MGAM2: variants seen among roughly 807,000 people sequenced by gnomAD.
MGAM2 encodes maltase-glucoamylase 2 (putative), also known as probable maltase-glucoamylase 2.
Under a neutral mutation model 96.1 loss-of-function variants are expected in MGAM2, and 98 were observed. That is an observed-to-expected ratio of 1.02 (90% CI 0.87 to 1.21). The LOEUF (loss-of-function observed/expected upper bound fraction) is 1.21. MGAM2 is among the 50% of genes most tolerant of loss of function. The pLI is 0.00. For synonymous variants in MGAM2, 749 were observed against 414.8 expected (o/e 1.81, Z -9.79); for missense variants, 2,055 against 1,182.4 (o/e 1.74, Z -10.82).
chr7:142,178,719 T>A (rs909023778), intron 32 of MGAM2, among the ~76,000 whole-genome samples: 1 of 152,170 alleles, frequency 6.6e-6, no homozygotes, highest in Admixed American at 6.5e-5. Flanking sequence ...GTAGTTTTGT[T>A]CTTCTTGCTT....
chr7:142,221,065 C>T lies in MGAM2; in HGVS notation c.6554C>T (p.Ser2185Phe). 1 of 702,532 alleles carries T rather than the reference C, an allele frequency of 1.4e-6. No individual in the cohort carries two copies. Among genetic ancestry groups the T allele is most frequent in the Non-Finnish European group, 2.6e-6 (1 of 384,762 alleles). 43.5% of individuals were successfully genotyped at this position (702,532 alleles called of 1,614,324 possible). ...NNTVPVTAIP[S>F]LANTGVDTTS... ...ACTGTTCCAGTTACAGCTATTCCTT[C>T]TCTTGCAAATACTGGTGTTGACACT... Residue 2185 changes from serine (S) to phenylalanine (F), a missense_variant, in exon 48 of 48, where the codon TCT (serine) becomes TTT (phenylalanine). Coordinates refer to ENST00000477922, the MANE Select transcript of MGAM2 (RefSeq NM_001293626.2).
In MGAM2 at chr7:142,222,162, A is replaced by C; in HGVS notation, c.*103A>C. 2.5e-6 allele frequency: 1 copy of C among 396,270 alleles called. No individual in the cohort carries two copies. The highest frequency in any genetic ancestry group is 4.4e-6 in the Non-Finnish European group (1 of 224,812). 24.5% of individuals were successfully genotyped at this position (396,270 alleles called of 1,614,324 possible). A position where few individuals can be genotyped will look rare whatever the true frequency, so the allele number is the denominator to read the frequency against. On this transcript the variant is annotated 3_prime_UTR_variant, in exon 48 of 48. Coordinates refer to ENST00000477922, the MANE Select transcript of MGAM2 (RefSeq NM_001293626.2). ...ACACTCTATCTATCTTATGCTACTT[A>C]AGTTTTCACGGATATTAGTACTCTA...
At chr7:142,215,117 A>G (rs564723879) in intron 46 of MGAM2, among the ~76,000 whole-genome samples, 1 of 152,368 alleles carries the variant, frequency 6.6e-6, no homozygotes, top group Non-Finnish European at 1.5e-5. Flanking sequence ...AATAGTATGC[A>G]GCCATAAAAA....
chr7:142,131,094 G>A (rs773306010), intron 4 of MGAM2, 23 bp downstream of exon 4: 7 of 699,406 alleles, frequency 1.0e-5, no homozygotes, highest in South Asian at 3.0e-5. Context: ...CTGATGTTGC[G>A]CCTGGGAACA....
At position 142,198,480 on chromosome 7, in the gene MGAM2, A is replaced by T. The variant is rs551003395; in HGVS notation, c.4924-135A>T. On this transcript the variant is annotated intron_variant, in intron 43 of 47. Coordinates refer to ENST00000477922, the MANE Select transcript of MGAM2 (RefSeq NM_001293626.2). ...CTTAAGCAAAACTGAAAGATCAGAGATTTTCTCTTTAGGTTTGCAGTCTTT... is the reference window on the plus strand; with the variant it reads ...CTTAAGCAAAACTGAAAGATCAGAGTTTTTCTCTTTAGGTTTGCAGTCTTT... The T allele has an allele frequency of 6.7e-6, 4 of 593,558 alleles. No homozygotes were observed. In the East Asian group the frequency reaches 1.1e-4, roughly 16 times the overall value. The allele number at this position is 593,558 out of a possible 1,614,324, so 36.8% of individuals were successfully genotyped here.
chr7:142,220,948 A>G lies in MGAM2; in HGVS notation c.6437A>G (p.Gln2146Arg), dbSNP rs1797907600. The change falls in exon 48 of 48, where the codon CAA (glutamine) becomes CGA (arginine). Residue 2146 changes from glutamine to arginine, a missense_variant. Transcript: ENST00000477922. ...TTINNISTPV[Q>R]TNTTNASTST... ...ATTAATAATATAAGTACTCCTGTTC[A>G]AACAAATACTACTAATGCTAGCACT... The G allele has an allele frequency of 4.3e-6, 3 of 701,618 alleles. No homozygotes were observed. Among genetic ancestry groups the G allele is most frequent in the South Asian group, 1.5e-5 (1 of 67,516 alleles). 43.5% of individuals were successfully genotyped at this position (701,618 alleles called of 1,614,324 possible).
chr7:142,201,372 T>C, intron 45 of MGAM2, among the ~76,000 whole-genome samples: 1 of 152,114 alleles, frequency 6.6e-6, no homozygotes, highest in South Asian at 2.1e-4. Context: ...TCCCAGCCCA[T>C]ATATAACATC....
chr7:142,183,299 C>G lies in MGAM2; in HGVS notation c.3850C>G (p.Leu1284Val), dbSNP rs1796596538. 1 of 703,496 alleles carries G rather than the reference C, an allele frequency of 1.4e-6. No homozygotes were observed. Among genetic ancestry groups the G allele is most frequent in the South Asian group, 1.5e-5 (1 of 67,596 alleles). The allele number at this position is 703,496 out of a possible 1,614,324, so 43.6% of individuals were successfully genotyped here. A position where few individuals can be genotyped will look rare whatever the true frequency, so the allele number is the denominator to read the frequency against. The change falls in exon 33 of 48, where the codon CTC (leucine) becomes GTC (valine). Residue 1284 changes from leucine (L) to valine (V), a missense_variant. Transcript: ENST00000477922. Reference protein sequence around the residue: ...PAISGNETQYLPFIRGQENNV... With the variant: ...PAISGNETQYVPFIRGQENNV... ...CATTTCTGGCAATGAGACACAGTAT[C>G]TCCCATTCATTAGAGGACAGGAAAA...
chr7:142,121,197 A>G (rs1794562147), intron 3 of MGAM2, among the ~76,000 whole-genome samples: 1 of 149,102 alleles, frequency 6.7e-6, no homozygotes, highest in East Asian at 1.9e-4. Flanking sequence ...CTTTTTTTTG[A>G]GACAGAGTCT....
chr7:142,130,805 T>C (rs1794861315), intron 3 of MGAM2, 143 bp from the exon 4 acceptor site: 2 of 582,718 alleles, frequency 3.4e-6, no homozygotes, highest in Non-Finnish European at 6.2e-6. Context: ...GATTCATGAA[T>C]AAATAAAGAA....
intron 2 of MGAM2, among the ~76,000 whole-genome samples, chr7:142,118,682 C>A (rs1432669035): frequency 1.3e-5 from 2 of 152,126 alleles, no homozygotes; most frequent in African/African-American, 4.8e-5. Context: ...TGATATGTAG[C>A]CTGAGCCCTC....
At chr7:142,174,715 C>CTCTTTT (rs1194981898) in intron 31 of MGAM2, among the ~76,000 whole-genome samples, 2 of 85,460 alleles carry the variant, frequency 2.3e-5, no homozygotes, top group African/African-American at 1.1e-4. Context: ...CTCTCTCTCT[C>CTCTTTT]TTTTTTTTTT....
At position 142,220,531 on chromosome 7, in the gene MGAM2, G is replaced by A. The variant is rs1161531927; in HGVS notation, c.6020G>A (p.Ser2007Asn). 18 of 700,486 alleles carry A rather than the reference G, an allele frequency of 2.6e-5. 1 individual carries two copies. The highest frequency in any genetic ancestry group is 4.7e-5 in the Non-Finnish European group (18 of 384,480). 43.4% of individuals were successfully genotyped at this position (700,486 alleles called of 1,614,324 possible). Residue 2007 changes from serine (S) to asparagine (N), a missense_variant, in exon 48 of 48, where the codon AGT becomes AAT. Ser to Asn is a conservative substitution (Grantham distance 46). Coordinates refer to ENST00000477922, the MANE Select transcript of MGAM2 (RefSeq NM_001293626.2). ...GATACAACTGCTCCTTTCCCTACAAGTACTACTAGTGCTAGCACTAATGCT... is the reference window on the plus strand; with the variant it reads ...GATACAACTGCTCCTTTCCCTACAAATACTACTAGTGCTAGCACTAATGCT... ...VPDTTAPFPT[S>N]TTSASTNATP...
intron 14 of MGAM2, among the ~76,000 whole-genome samples, chr7:142,147,059 A>G (rs868610771): frequency 2.4e-4 from 37 of 152,162 alleles, no homozygotes; most frequent in African/African-American, 7.7e-4. Context: ...ACTGTATTAT[A>G]AAAAAGAAAA....
intron 37 of MGAM2, among the ~76,000 whole-genome samples, chr7:142,191,132 CA>C (rs1796855674): frequency 1.7e-5 from 1 of 59,706 alleles, no homozygotes; most frequent in Non-Finnish European, 3.1e-5. Context: ...ACTATCTCTA[CA>C]GAAAAAAAAA....
intron 12 of MGAM2, 52 bp downstream of exon 12, chr7:142,141,171 CT>C: frequency 1.5e-6 from 1 of 681,440 alleles, no homozygotes; most frequent in Non-Finnish European, 2.7e-6. Context: ...GGGAGTTGTA[CT>C]TTTGGTACGA....
chr7:142,197,494 T>C lies in MGAM2; in HGVS notation c.4727T>C (p.Leu1576Pro). Residue 1576 changes from leucine to proline, a missense_variant, in exon 41 of 48, where the codon CTG becomes CCG. Transcript: ENST00000477922. ...RYTLLPYLYT[L>P]MHKAHVEGST... The stretch of plus-strand genomic sequence containing the variant: ...ACCCTGCTTCCTTATCTCTATACTC[T>C]GATGCATAAAGCTCACGTTGAGGGC... 1 of 703,142 alleles carries C rather than the reference T, an allele frequency of 1.4e-6. No individual in the cohort carries two copies. Among genetic ancestry groups the C allele is most frequent in the Non-Finnish European group, 2.6e-6 (1 of 385,032 alleles). 43.6% of individuals were successfully genotyped at this position (703,142 alleles called of 1,614,324 possible). A position where few individuals can be genotyped will look rare whatever the true frequency, so the allele number is the denominator to read the frequency against.
intron 44 of MGAM2, among the ~76,000 whole-genome samples, 170 bp from the exon 45 acceptor site, chr7:142,199,710 A>G (rs145530466): frequency 3.6e-4 from 55 of 152,286 alleles, no homozygotes; most frequent in African/African-American, 1.2e-3. Flanking sequence ...GTTTTCCATT[A>G]ACTTTTAAAT....
At chr7:142,113,683 G>A (rs55938751) in intron 1 of MGAM2, among the ~76,000 whole-genome samples, 2 of 152,102 alleles carry the variant, frequency 1.3e-5, no homozygotes, top group Non-Finnish European at 2.9e-5. Context: ...ACATCCAATA[G>A]GCAGTTGAAT....
Sources: allele counts gnomAD v4.1 joint callset (sites outside exome capture counted in the v4.1 genomes callset), GRCh38; gene constraint gnomAD v4.1.1; transcripts MANE v1.5; gene names NCBI Gene and HGNC (gene_info 2026-07-23, HGNC 2026-07-21).